The following TACC1 variants were observed in gnomAD, a reference collection of about 807,000 sequenced individuals.
TACC1 encodes the protein transforming acidic coiled-coil containing protein 1, also known as transforming acidic coiled-coil-containing protein 1.
Under a neutral mutation model 84.4 loss-of-function variants are expected in TACC1, and 48 were observed. The observed-to-expected ratio is 0.57, with a 90% confidence interval of 0.45 to 0.72. TACC1 has a LOEUF of 0.72. TACC1 is among the 30% of genes least tolerant of loss of function. TACC1 has a pLI of 0.00. For missense variants in TACC1, 920 were observed against 973.0 expected, an observed-to-expected ratio of 0.95 and a Z score of 0.72; for synonymous variants, 372 against 376.3, an observed-to-expected ratio of 0.99 and a Z score of 0.13.
intron 2 of TACC1, 142 bp from the exon 3 acceptor site, chr8:38,819,380 G>T: frequency 1.0e-6 from 1 of 976,754 alleles, no homozygotes; most frequent in East Asian, 2.6e-5. Flanking sequence ...AGGCTGTGCT[G>T]CCATCCTTCC....
At chr8:38,742,482 T>C in intron 2 of TACC1, 1 of 1,483,104 alleles carries the variant, frequency 6.7e-7, no homozygotes, top group Non-Finnish European at 9.0e-7. Context: ...TGAATATACC[T>C]GGGATGGATT....
intron 3 of TACC1, among the ~76,000 whole-genome samples, chr8:38,769,641 T>C (rs567731534): frequency 1.7e-3 from 244 of 145,574 alleles, no homozygotes; most frequent in Non-Finnish European, 2.7e-3. Context: ...TGTGACTACG[T>C]GGGGTGTGTG....
chr8:38,796,688 A>G (rs144580493), intron 2 of TACC1, among the ~76,000 whole-genome samples: 27 of 152,338 alleles, frequency 1.8e-4, no homozygotes, highest in African/African-American at 6.3e-4. Context: ...AGTGAAAAAT[A>G]AAGAAGGAGT....
chr8:38,777,395 C>G (rs1815030025), intron 3 of TACC1, among the ~76,000 whole-genome samples: 1 of 152,208 alleles, frequency 6.6e-6, no homozygotes, highest in African/African-American at 2.4e-5. Context: ...TCTATCCTGT[C>G]CAGAGTGTGG....
intron 3 of TACC1, among the ~76,000 whole-genome samples, chr8:38,775,010 C>CAAA (rs913147283): frequency 0.014 from 1,151 of 83,730 alleles, 24 homozygotes; most frequent in African/African-American, 0.018. Context: ...GACTCCGTCT[C>CAAA]AAAAAAAAAA....
intron 3 of TACC1, among the ~76,000 whole-genome samples, chr8:38,760,704 T>C (rs1175713520): frequency 6.6e-6 from 1 of 152,070 alleles, no homozygotes; most frequent in Non-Finnish European, 1.5e-5. Context: ...TTATTTTTAG[T>C]AGAGATGGGA....
intron 2 of TACC1, among the ~76,000 whole-genome samples, chr8:38,817,373 C>T (rs528679168): frequency 1.3e-5 from 2 of 152,342 alleles, no homozygotes; most frequent in South Asian, 4.1e-4. Flanking sequence ...ACTCTGTACA[C>T]ATAAGTGAAA....
intron 2 of TACC1, among the ~76,000 whole-genome samples, chr8:38,800,781 G>A (rs776880280): frequency 6.6e-6 from 1 of 152,088 alleles, no homozygotes; most frequent in African/African-American, 2.4e-5. Context: ...AGAATTGCTA[G>A]GCCATATGGT....
At chr8:38,796,070 C>A (rs1819894445) in intron 2 of TACC1, among the ~76,000 whole-genome samples, 1 of 152,226 alleles carries the variant, frequency 6.6e-6, no homozygotes, top group Non-Finnish European at 1.5e-5. Flanking sequence ...TCCCACCTAG[C>A]AGATCACCAG....
chr8:38,743,229 C>T (rs1488030345), intron 2 of TACC1, among the ~76,000 whole-genome samples: 1 of 152,138 alleles, frequency 6.6e-6, no homozygotes, highest in Non-Finnish European at 1.5e-5. Flanking sequence ...CCTCATCCAT[C>T]ATTTTTGCAA....
chr8:38,751,317 G>A (rs1336786924), intron 3 of TACC1, among the ~76,000 whole-genome samples: 1 of 152,218 alleles, frequency 6.6e-6, no homozygotes, highest in Non-Finnish European at 1.5e-5. Flanking sequence ...GATGTGCAGT[G>A]TAAGGATTAA....
intron 3 of TACC1, among the ~76,000 whole-genome samples, chr8:38,773,416 T>A (rs1294886168): frequency 6.7e-6 from 1 of 148,274 alleles, no homozygotes; most frequent in African/African-American, 2.4e-5. Context: ...TTTTTATATT[T>A]AAATATTAAT....
intron 6 of TACC1, among the ~76,000 whole-genome samples, chr8:38,834,217 C>T (rs1829792851): frequency 6.6e-6 from 1 of 152,220 alleles, no homozygotes; most frequent in Non-Finnish European, 1.5e-5. Flanking sequence ...TGGGGAGGAT[C>T]TGCTTCCAAG....
intron 3 of TACC1, among the ~76,000 whole-genome samples, 183 bp from the exon 4 acceptor site, chr8:38,825,123 GTC>G (rs1483629553): frequency 6.6e-6 from 1 of 152,154 alleles, no homozygotes; most frequent in Non-Finnish European, 1.5e-5. Flanking sequence ...TGCTTACCCC[GTC>G]TCTCTGGAGA....
intron 2 of TACC1, among the ~76,000 whole-genome samples, chr8:38,798,631 G>GTGTGTGTGTGTGTA (rs1262035489): frequency 1.3e-5 from 2 of 151,490 alleles, no homozygotes; most frequent in Non-Finnish European, 2.9e-5. Flanking sequence ...GTGTGTGTGT[G>GTGTGTGTGTGTGTA]TGTGTGTGTA....
At chr8:38,843,472 T>G in intron 11 of TACC1, 77 bp downstream of exon 11, 1 of 1,022,676 alleles carries the variant, frequency 9.8e-7, no homozygotes, top group Non-Finnish European at 1.4e-6. Context: ...AAATCACTGT[T>G]TCGCAACTCC....
rs148450763 is a variant in TACC1, at chr8:38,770,745, T to G, written c.27-17959T>G. 2.4e-3 allele frequency among the ~76,000 whole-genome samples: 371 copies of G among 152,248 alleles called. 4 individuals are homozygous for G. Among genetic ancestry groups the G allele is most frequent in the African/African-American group, 8.1e-3 (335 of 41,532 alleles). On this transcript the variant is annotated intron_variant, in intron 3 of 14. Coordinates refer to the TACC1 transcript ENST00000518415. Reference sequence around the variant, plus strand: ...GGGAAAAAAAAGCCAGCTTCTTTCTTAAGGGAGAAAAAAAGGACTCCAGCG... The same window carrying G: ...GGGAAAAAAAAGCCAGCTTCTTTCTGAAGGGAGAAAAAAAGGACTCCAGCG...
chr8:38,732,619 T>C (rs1198806480), intron 1 of TACC1, among the ~76,000 whole-genome samples: 1 of 152,198 alleles, frequency 6.6e-6, no homozygotes, highest in African/African-American at 2.4e-5. Flanking sequence ...GCACTTACTA[T>C]GACCCAGGCA....
intron 7 of TACC1, among the ~76,000 whole-genome samples, chr8:38,836,554 C>T (rs989700591): frequency 2.0e-5 from 3 of 152,166 alleles, no homozygotes; most frequent in Non-Finnish European, 2.9e-5. Flanking sequence ...ATTTAAAATA[C>T]CTAATTTTGC....
Sources: gnomAD v4.1 joint callset for allele counts (sites outside exome capture counted in the v4.1 genomes callset) on GRCh38, gnomAD v4.1.1 for gene constraint, MANE v1.5 for transcripts, NCBI Gene and HGNC (gene_info 2026-07-23, HGNC 2026-07-21) for gene names.